The following MGAT1 variants were observed in gnomAD, a reference collection of about 807,000 sequenced individuals.
MGAT1 encodes the protein alpha-1,3-mannosyl-glycoprotein 2-beta-N-acetylglucosaminyltransferase, also known as N-glycosyl-oligosaccharide-glycoprotein N-acetylglucosaminyltransferase I.
Under a neutral mutation model 31.7 loss-of-function variants are expected in MGAT1, and 14 were observed. The ratio of observed to expected loss-of-function variants is 0.44; its 90% CI spans 0.29 to 0.69. The LOEUF is 0.69. MGAT1 is among the 30% of genes least tolerant of loss of function. The pLI is 0.12. For missense variants in MGAT1, 557 were observed against 626.0 expected, an observed-to-expected ratio of 0.89 and a Z score of 1.18; for synonymous variants, 338 against 276.0, an observed-to-expected ratio of 1.22 and a Z score of -2.23.
chr5:180,797,843 T>TTCTTCCCA (rs11282898), intron 1 of MGAT1, among the ~76,000 whole-genome samples: 2 of 130,660 alleles, frequency 1.5e-5, no homozygotes, highest in Non-Finnish European at 3.4e-5. Flanking sequence ...GCCCACCTCC[T>TTCTTCCCA]TAGGCTCAGC....
At chr5:180,805,437 G>T (rs1025922041), upstream of MGAT1, among the ~76,000 whole-genome samples, 4 of 152,206 alleles carry the variant, frequency 2.6e-5, no homozygotes, top group African/African-American at 9.7e-5. Flanking sequence ...TAAAACATAT[G>T]TTGGCTTGAA....
chr5:180,807,503 C>T (rs1208218959), upstream of MGAT1, among the ~76,000 whole-genome samples: 1 of 152,184 alleles, frequency 6.6e-6, no homozygotes, highest in African/African-American at 2.4e-5. Flanking sequence ...TGGAAAAAAA[C>T]GTCATCTTAA....
intron 1 of MGAT1, among the ~76,000 whole-genome samples, chr5:180,799,592 T>C (rs1392690465): frequency 6.6e-6 from 1 of 152,184 alleles, no homozygotes; most frequent in Non-Finnish European, 1.5e-5. Context: ...GGCACATGTA[T>C]GAGGTTCAAG....
intron 1 of MGAT1, among the ~76,000 whole-genome samples, chr5:180,813,939 T>G (rs1436225616): frequency 6.6e-6 from 1 of 152,224 alleles, no homozygotes; most frequent in Non-Finnish European, 1.5e-5. Context: ...TATCAGGGCT[T>G]CCCATCCTGG....
At chr5:180,795,119 C>T (rs865913050) in intron 1 of MGAT1, among the ~76,000 whole-genome samples, 3 of 152,008 alleles carry the variant, frequency 2.0e-5, no homozygotes, top group Non-Finnish European at 1.5e-5. Flanking sequence ...ATAAAACTGC[C>T]GAAAATAGAA....
chr5:180,806,903 G>T (rs981519089), upstream of MGAT1, among the ~76,000 whole-genome samples: 4 of 152,212 alleles, frequency 2.6e-5, no homozygotes, highest in African/African-American at 9.6e-5. Flanking sequence ...ACAGAAATTT[G>T]CTGGGTGAAG....
Position 180,792,452 on chromosome 5 carries a change from G to C in MGAT1, c.520C>G (p.Pro174Ala). 2 of 1,612,390 alleles carry C rather than the reference G, an allele frequency of 1.2e-6. No individual in the cohort carries two copies. Among genetic ancestry groups the C allele is most frequent in the South Asian group, 2.2e-5 (2 of 91,014 alleles). Residue 174 changes from proline to alanine, a missense_variant, in exon 2 of 2, where the codon CCG (proline) becomes GCG (alanine). Physicochemically the swap from Pro to Ala is conservative, Grantham distance 27. This residue lies in a region of MGAT1 where 245 missense variants were observed against 332.9 expected (regional missense o/e 0.74). Transcript: ENST00000307826. ...TAGCCCTGGAACTTGCGGTGGTCCG[G>C]CGGCACCGCAATGCTGCTCAGGTCG... ...QPDLSSIAVP[P>A]DHRKFQGYYK...
chr5:180,791,601 G>A lies in MGAT1; in HGVS notation c.*33C>T, dbSNP rs371475540. The A allele has an allele frequency of 5.0e-6, 8 of 1,602,982 alleles. No homozygotes were observed. The highest frequency in any genetic ancestry group is 3.3e-4 in the Middle Eastern group (2 of 6,036). ...GTGGTCCCACCTCAGCTCATGATGT[G>A]GCAAGGAGGGGCCCAGGAAGGACAG... On this transcript the variant is annotated 3_prime_UTR_variant, in exon 2 of 2. Transcript: ENST00000307826.
chr5:180,802,647 C>G lies in MGAT1; in HGVS notation c.-127+33G>C, dbSNP rs970490072. 2 of 152,496 alleles carry G rather than the reference C, an allele frequency of 1.3e-5. 1 individual carries two copies. Among genetic ancestry groups the G allele is most frequent in the South Asian group, 4.1e-4 (2 of 4,836 alleles). 9.4% of individuals were successfully genotyped at this position (152,496 alleles called of 1,614,324 possible). A position where few individuals can be genotyped will look rare whatever the true frequency, so the allele number is the denominator to read the frequency against. On this transcript the variant is annotated intron_variant, in intron 1 of 1. Transcript: ENST00000307826. ...CTCTCGGCGCCCGCGAGGCCTCCCC[C>G]GGTCTGACCTCCGTCCCCGGACACC...
intron 1 of MGAT1, among the ~76,000 whole-genome samples, chr5:180,812,703 A>G (rs1436906854): frequency 6.6e-6 from 1 of 152,224 alleles, no homozygotes; most frequent in African/African-American, 2.4e-5. Context: ...TAGAAAAATG[A>G]AATCTAGTTT....
intron 1 of MGAT1, among the ~76,000 whole-genome samples, chr5:180,814,416 G>A (rs1772745730): frequency 6.6e-6 from 1 of 152,166 alleles, no homozygotes; most frequent in South Asian, 2.1e-4. Flanking sequence ...ACGCTCTCTG[G>A]GGTTCCCCCT....
chr5:180,809,234 T>G (rs1772267548), intron 1 of MGAT1: 1 of 152,178 alleles, frequency 6.6e-6, no homozygotes, highest in Admixed American at 6.5e-5. Flanking sequence ...AAGCACCTAC[T>G]TAACTCACGT....
At chr5:180,810,904 C>A (rs1231609989) in intron 1 of MGAT1, 1 of 152,204 alleles carries the variant, frequency 6.6e-6, no homozygotes, top group Non-Finnish European at 1.5e-5. Flanking sequence ...CGGCCGGGCC[C>A]GCCGTCGCCG....
chr5:180,807,064 T>C (rs1213341847), upstream of MGAT1, among the ~76,000 whole-genome samples: 1 of 151,826 alleles, frequency 6.6e-6, no homozygotes, highest in Non-Finnish European at 1.5e-5. Context: ...CTCAAGCCGC[T>C]GGAGGGAGTG....
chr5:180,811,813 G>A (rs1737229818), intron 1 of MGAT1, among the ~76,000 whole-genome samples: 1 of 152,248 alleles, frequency 6.6e-6, no homozygotes, highest in Non-Finnish European at 1.5e-5. Flanking sequence ...CCACTGGCCT[G>A]CCTAGCTGTC....
At chr5:180,814,059 T>C (rs1238300768) in intron 1 of MGAT1, among the ~76,000 whole-genome samples, 2 of 152,218 alleles carry the variant, frequency 1.3e-5, no homozygotes, top group Non-Finnish European at 2.9e-5. Flanking sequence ...AATGTTTTGT[T>C]GGCCATTTTC....
chr5:180,801,732 G>A (rs1770806016), intron 1 of MGAT1, among the ~76,000 whole-genome samples: 1 of 152,192 alleles, frequency 6.6e-6, no homozygotes, highest in South Asian at 2.1e-4. Context: ...GGGTTGATTT[G>A]GTTCATCACA....
At chr5:180,812,980 A>T (rs989154279) in intron 1 of MGAT1, among the ~76,000 whole-genome samples, 2 of 152,228 alleles carry the variant, frequency 1.3e-5, no homozygotes, top group Non-Finnish European at 2.9e-5. Context: ...CAAGTGGCAT[A>T]CTATTATACA....
At position 180,787,019 on chromosome 5, in the gene MGAT1, G is replaced by C. The variant is rs915534505; in HGVS notation, c.*4615C>G. The C allele has an allele frequency of 1.3e-5, 2 of 152,360 alleles. No individual in the cohort carries two copies. The highest frequency in any genetic ancestry group is 4.8e-5 in the African/African-American group (2 of 41,450). 9.4% of individuals were successfully genotyped at this position (152,360 alleles called of 1,614,324 possible). ...GATTAAGTGTCGAGGGAGCCAAGGTGAACAGCAGGAAAAGGAAAGCAGTGG... is the reference window on the plus strand; with the variant it reads ...GATTAAGTGTCGAGGGAGCCAAGGTCAACAGCAGGAAAAGGAAAGCAGTGG... On this transcript the variant is annotated 3_prime_UTR_variant, in exon 2 of 2. Coordinates refer to ENST00000307826, the MANE Select transcript of MGAT1 (RefSeq NM_002406.4).
Sources: gnomAD v4.1 joint callset for allele counts (sites outside exome capture counted in the v4.1 genomes callset) on GRCh38, gnomAD v4.1.1 for gene constraint, gnomAD v4.1.1 regional missense constraint, MANE v1.5 for transcripts, NCBI Gene and HGNC (gene_info 2026-07-23, HGNC 2026-07-21) for gene names.